MOSPD1: variants seen among roughly 807,000 people sequenced by gnomAD.
MOSPD1 encodes the protein motile sperm domain-containing protein 1.
A neutral mutation model predicts 16.7 loss-of-function variants in MOSPD1; 5 were observed. That is an observed-to-expected ratio of 0.30 (90% CI 0.16 to 0.63). The LOEUF (loss-of-function observed/expected upper bound fraction) is 0.63. Among genes scored for constraint, MOSPD1 ranks in the 30% least tolerant of loss-of-function variants. MOSPD1 has a pLI of 0.82. For synonymous variants in MOSPD1, 67 were observed against 59.2 expected, an observed-to-expected ratio of 1.13 and a Z score of -0.61; for missense variants, 104 against 153.6, an observed-to-expected ratio of 0.68 and a Z score of 1.71.
chrX:134,912,041 G>T (rs915871095), intron 1 of MOSPD1, among the ~76,000 whole-genome samples: 7 of 112,081 alleles, frequency 6.2e-5, no homozygotes, highest in Non-Finnish European at 1.1e-4. Flanking sequence ...ATTTTGCACG[G>T]TGCAATTCCT....
At chrX:134,908,199 G>A (rs2082952573) in intron 1 of MOSPD1, among the ~76,000 whole-genome samples, 1 of 112,296 alleles carries the variant, frequency 8.9e-6, no homozygotes, top group Non-Finnish European at 1.9e-5. Flanking sequence ...CAGGCCCAAG[G>A]TCAGTGCTGG....
In MOSPD1 at chrX:134,888,118, TG is replaced by T. The variant is rs1432456189; in HGVS notation, c.*1042del. On this transcript the variant is annotated 3_prime_UTR_variant, in exon 6 of 6. Transcript: ENST00000370783. ...TTACTATGAAAATAACAGTTAAAAC[TG>T]CATATGTGTTAGAGATCAGAAGAGG... The T allele has an allele frequency of 4.5e-5, 5 of 112,308 alleles. No individual in the cohort carries two copies. Among genetic ancestry groups the T allele is most frequent in the Non-Finnish European group, 9.4e-5 (5 of 53,163 alleles). The allele number at this position is 112,308 out of a possible 1,213,427, so 9.3% of individuals were successfully genotyped here.
At chrX:134,901,930 T>C (rs1471153016) in intron 1 of MOSPD1, among the ~76,000 whole-genome samples, 1 of 112,406 alleles carries the variant, frequency 8.9e-6, no homozygotes, top group African/African-American at 3.2e-5. Context: ...AGTAAAGATA[T>C]CTAATATTTG....
intron 1 of MOSPD1, among the ~76,000 whole-genome samples, chrX:134,907,127 C>A (rs1245440300): frequency 4.5e-5 from 5 of 111,116 alleles, no homozygotes; most frequent in Non-Finnish European, 7.5e-5. Flanking sequence ...ACTCAGGAGG[C>A]TGAGGCAGGA....
chrX:134,897,577 A>AAG (rs200372922), intron 3 of MOSPD1, among the ~76,000 whole-genome samples: 41,350 of 98,072 alleles, frequency 0.42, 7,694 homozygotes, highest in African/African-American at 0.58. Context: ...AAGAAAGAAA[A>AAG]AAAATTCTCT....
intron 1 of MOSPD1, among the ~76,000 whole-genome samples, chrX:134,901,130 C>T (rs112366152): frequency 1.1e-5 from 1 of 90,285 alleles, no homozygotes; most frequent in Non-Finnish European, 2.4e-5. Flanking sequence ...AATATTTATT[C>T]TTTTCTTTCA....
chrX:134,899,472 A>G lies in MOSPD1; in HGVS notation c.-39T>C, dbSNP rs2082901963. ...CCCTTGCTGCAGTTTCTGTTTTTAC[A>G]GTCTCAAATCTATTTTGGACTTTTC... is the stretch of plus-strand genomic sequence containing the variant. On this transcript the variant is annotated 5_prime_UTR_variant, in exon 2 of 6. Coordinates refer to ENST00000370783, the MANE Select transcript of MOSPD1 (RefSeq NM_019556.3). The G allele has an allele frequency of 9.0e-7, 1 of 1,111,416 alleles. No homozygotes were observed. Among genetic ancestry groups the G allele is most frequent in the Non-Finnish European group, 1.2e-6 (1 of 847,371 alleles). 91.6% of individuals were successfully genotyped at this position (1,111,416 alleles called of 1,213,427 possible). A position where few individuals can be genotyped will look rare whatever the true frequency, so the allele number is the denominator to read the frequency against.
intron 1 of MOSPD1, among the ~76,000 whole-genome samples, chrX:134,906,288 C>A (rs745348189): frequency 9.9e-6 from 1 of 100,786 alleles, no homozygotes; most frequent in Non-Finnish European, 2.0e-5. Context: ...AAGCGATTCT[C>A]GTGCCTCAGC....
intron 1 of MOSPD1, among the ~76,000 whole-genome samples, chrX:134,903,745 A>T (rs1333792400): frequency 1.9e-5 from 2 of 106,603 alleles, no homozygotes; most frequent in Non-Finnish European, 3.9e-5. Context: ...AAAGAAAAAG[A>T]AACTGTTCCT....
chrX:134,901,784 G>A (rs1439347876), intron 1 of MOSPD1, among the ~76,000 whole-genome samples: 1 of 111,575 alleles, frequency 9.0e-6, no homozygotes, highest in Non-Finnish European at 1.9e-5. Flanking sequence ...AAAAAGGAAG[G>A]CACTTAATGC....
intron 4 of MOSPD1, among the ~76,000 whole-genome samples, chrX:134,894,355 T>C (rs1330676643): frequency 8.9e-6 from 1 of 112,180 alleles, no homozygotes; most frequent in Non-Finnish European, 1.9e-5. Context: ...CTCACAACAC[T>C]GCTGCACCTC....
At chrX:134,892,631 C>T (rs2082867542) in intron 4 of MOSPD1, among the ~76,000 whole-genome samples, 1 of 112,456 alleles carries the variant, frequency 8.9e-6, no homozygotes, top group Non-Finnish European at 1.9e-5. Context: ...GCACGGCTCA[C>T]GCCTGTAATC....
chrX:134,901,043 T>G, intron 1 of MOSPD1, among the ~76,000 whole-genome samples: 1 of 112,090 alleles, frequency 8.9e-6, no homozygotes, highest in Non-Finnish European at 1.9e-5. Context: ...TTACCAGCTA[T>G]TGAGGCTCGT....
rs757943949 is a variant in MOSPD1 at position 134,910,130 on chromosome X, G to A, written c.-102+5052C>T. 1.8e-3 allele frequency among the ~76,000 whole-genome samples: 199 copies of A among 111,493 alleles called. 1 individual carries two copies. The highest frequency in any genetic ancestry group is 5.7e-3 in the African/African-American group (174 of 30,702). The stretch of plus-strand genomic sequence containing the variant: ...TAGAATCACAAATTCATGGCCGGGC[G>A]CAGTGACTCACGCCTATAATCCCAG... On this transcript the variant is annotated intron_variant, in intron 1 of 5. Transcript: ENST00000370783.
chrX:134,901,519 G>A (rs944935942), intron 1 of MOSPD1, among the ~76,000 whole-genome samples: 1 of 110,113 alleles, frequency 9.1e-6, no homozygotes, highest in African/African-American at 3.3e-5. Flanking sequence ...GCATAGTGGC[G>A]GGTGCCTGTA....
At chrX:134,894,710 C>T (rs1234592235) in intron 4 of MOSPD1, among the ~76,000 whole-genome samples, 1 of 111,660 alleles carries the variant, frequency 9.0e-6, no homozygotes, top group East Asian at 2.8e-4. Context: ...TTCCTCTAAA[C>T]AGCTGTCATA....
chrX:134,887,955 C>A lies in MOSPD1; in HGVS notation c.*1206G>T, dbSNP rs2082842675. 8.9e-6 allele frequency: 1 copy of A among 112,747 alleles called. No individual in the cohort carries two copies. The highest frequency in any genetic ancestry group is 3.6e-4 in the South Asian group (1 of 2,761). The allele number at this position is 112,747 out of a possible 1,213,427, so 9.3% of individuals were successfully genotyped here. On this transcript the variant is annotated 3_prime_UTR_variant, in exon 6 of 6. Transcript: ENST00000370783. Reference sequence around the variant, plus strand: ...TCTGCAAAAACCAACCTCAGGCATACATTTGTGTTTACATATATTCCTTGA... The same window carrying A: ...TCTGCAAAAACCAACCTCAGGCATAAATTTGTGTTTACATATATTCCTTGA...
intron 1 of MOSPD1, among the ~76,000 whole-genome samples, chrX:134,905,577 A>G (rs1004695639): frequency 1.8e-5 from 2 of 109,211 alleles, no homozygotes; most frequent in Admixed American, 2.0e-4. Context: ...AAAAAAAATT[A>G]AGTAACAACT....
In MOSPD1 at chrX:134,888,051, T is replaced by G; in HGVS notation, c.*1110A>C. On this transcript the variant is annotated 3_prime_UTR_variant, in exon 6 of 6. Coordinates refer to ENST00000370783, the MANE Select transcript of MOSPD1 (RefSeq NM_019556.3). ...GAAAGATGATTTTCAAGAGACTCAA[T>G]ACATTGTGCTTTCAGGTAAAAATCC... is the stretch of plus-strand genomic sequence containing the variant. The G allele has an allele frequency of 8.9e-6, 1 of 112,783 alleles. No homozygotes were observed. Among genetic ancestry groups the G allele is most frequent in the Middle Eastern group, 4.6e-3 (1 of 217 alleles). 9.3% of individuals were successfully genotyped at this position (112,783 alleles called of 1,213,427 possible).
Sources: gnomAD v4.1 joint callset for allele counts (sites outside exome capture counted in the v4.1 genomes callset) on GRCh38, gnomAD v4.1.1 for gene constraint, MANE v1.5 for transcripts, NCBI Gene and HGNC (gene_info 2026-07-23, HGNC 2026-07-21) for gene names.